The following CADPS variants were observed in gnomAD, a reference collection of about 807,000 sequenced individuals.
CADPS encodes the protein calcium-dependent secretion activator 1.
CADPS carries 57 observed loss-of-function variants against 167.3 expected under a neutral mutation model. The observed-to-expected ratio is 0.34, with a 90% CI of 0.28 to 0.42. The LOEUF is 0.42. CADPS is among the 20% of genes least tolerant of loss of function. CADPS has a pLI of 1.00. For synonymous variants in CADPS, 676 were observed against 635.3 expected, an observed-to-expected ratio of 1.06 and a Z score of -0.96; for missense variants, 1,414 against 1,738.1, an observed-to-expected ratio of 0.81 and a Z score of 3.32.
intron 6 of CADPS, chr3:62,625,606 T>C (rs2924118): frequency 6.6e-6 from 1 of 150,996 alleles, no homozygotes; most frequent in Admixed American, 6.6e-5. Context: ...CCTATATTTA[T>C]AGATTTCTTT....
intron 2 of CADPS, among the ~76,000 whole-genome samples, chr3:62,765,162 C>A (rs2086523041): frequency 6.6e-6 from 1 of 152,112 alleles, no homozygotes; most frequent in African/African-American, 2.4e-5. Context: ...ATGGCATGTC[C>A]ACTTCATAAT....
chr3:62,757,244 G>A (rs549643315), intron 2 of CADPS, among the ~76,000 whole-genome samples: 23 of 152,252 alleles, frequency 1.5e-4, no homozygotes, highest in African/African-American at 5.1e-4. Context: ...CCACAAACCC[G>A]AAATGGGCCT....
At chr3:62,577,024 C>A in intron 8 of CADPS, among the ~76,000 whole-genome samples, 1 of 151,786 alleles carries the variant, frequency 6.6e-6, no homozygotes. Context: ...ATATGAGAGA[C>A]CAGAGTGAGC....
rs767242642 is a variant in CADPS, at chr3:62,403,112, T to A, written c.3851A>T (p.Tyr1284Phe). ...TDRMDLQLHI[Y>F]QLKTLIRMVK... ...CATCCTAATTAGTGTTTTCAACTGA[T>A]AAATATGAAGCTGTAAGTCCATCCG... The change falls in exon 29 of 30, where the codon TAT (tyrosine) becomes TTT (phenylalanine). Residue 1284 changes from tyrosine (Y) to phenylalanine (F), a missense_variant. Around this residue, in one of 6 missense-constraint regions of CADPS, gnomAD observed 185 missense variants for 251.5 expected, o/e 0.74. Coordinates refer to ENST00000383710, the MANE Select transcript of CADPS (RefSeq NM_003716.4). 13 of 1,611,918 alleles carry A rather than the reference T, an allele frequency of 8.1e-6. No homozygotes were observed. The highest frequency in any genetic ancestry group is 1.0e-5 in the Non-Finnish European group (12 of 1,178,116).
chr3:62,546,490 G>T (rs888170673), intron 11 of CADPS, among the ~76,000 whole-genome samples: 1 of 151,986 alleles, frequency 6.6e-6, no homozygotes, highest in Admixed American at 6.6e-5. Flanking sequence ...TAGTACTGAC[G>T]GTTTGAATTT....
At chr3:62,662,060 CTA>C (rs1189199887) in intron 4 of CADPS, among the ~76,000 whole-genome samples, 1 of 152,116 alleles carries the variant, frequency 6.6e-6, no homozygotes, top group Non-Finnish European at 1.5e-5. Context: ...ACTGTTGGAG[CTA>C]TGTGTCTGGA....
At chr3:62,525,668 G>A (rs914792006) in intron 13 of CADPS, among the ~76,000 whole-genome samples, 5 of 126,662 alleles carry the variant, frequency 3.9e-5, no homozygotes, top group African/African-American at 1.7e-4. Context: ...AGCACCGGAT[G>A]TAATGTCATT....
At chr3:62,630,130 G>T (rs2065010282) in intron 6 of CADPS, among the ~76,000 whole-genome samples, 1 of 152,092 alleles carries the variant, frequency 6.6e-6, no homozygotes, top group Non-Finnish European at 1.5e-5. Flanking sequence ...GCTAATTGGT[G>T]TATCCCTTGT....
rs1308896591 is a variant in CADPS at position 62,499,251 on chromosome 3, T to A, written c.2617A>T (p.Ile873Phe). The A allele has an allele frequency of 6.2e-7, 1 of 1,612,442 alleles. No homozygotes were observed. Among genetic ancestry groups the A allele is most frequent in the Admixed American group, 1.7e-5 (1 of 60,008 alleles). Reference sequence around the variant, plus strand: ...TCTTCAAGCTTTTTGGCAGGAGTGATTAACCGGCCTACATTTTCTGTAGTA... The same window carrying A: ...TCTTCAAGCTTTTTGGCAGGAGTGAATAACCGGCCTACATTTTCTGTAGTA... ...QKDAENVGRL[I>F]TPAKKLEDTI... is the part of the protein sequence containing the mutation. The change falls in exon 18 of 30, where the codon ATC (isoleucine) becomes TTC (phenylalanine). Residue 873 changes from isoleucine (I) to phenylalanine (F), a missense_variant. Physicochemically the swap from Ile to Phe is conservative, Grantham distance 21. Around this residue, in one of 6 missense-constraint regions of CADPS, gnomAD observed 529 missense variants for 629.6 expected, o/e 0.84. Coordinates refer to ENST00000383710, the MANE Select transcript of CADPS (RefSeq NM_003716.4).
In CADPS at chr3:62,792,226, C is replaced by G. The variant is rs557484232; in HGVS notation, c.442-26242G>C. Among the ~76,000 whole-genome samples, 3 of 148,726 alleles carry G rather than the reference C, an allele frequency of 2.0e-5. No homozygotes were observed. In the East Asian group the frequency reaches 5.9e-4, roughly 29 times the overall value. On this transcript the variant is annotated intron_variant, in intron 1 of 29. Transcript: ENST00000383710. ...TTTTTTTTTTTTTTTGAGATAGGGT[C>G]TTGCTCTGTTGCCCAGGCTGGAGTG...
chr3:62,764,203 A>G (rs771299739), intron 2 of CADPS, among the ~76,000 whole-genome samples: 39 of 152,184 alleles, frequency 2.6e-4, no homozygotes, highest in Admixed American at 2.6e-3. Flanking sequence ...GAACTTGAAC[A>G]AAGAGGGAAA....
chr3:62,793,101 G>C (rs1194013336), intron 1 of CADPS, among the ~76,000 whole-genome samples: 1 of 152,148 alleles, frequency 6.6e-6, no homozygotes, highest in Non-Finnish European at 1.5e-5. Context: ...GTCAGCATAA[G>C]AAGTGTTTGG....
At chr3:62,533,756 T>A (rs1019056746) in intron 12 of CADPS, among the ~76,000 whole-genome samples, 2 of 152,124 alleles carry the variant, frequency 1.3e-5, no homozygotes, top group African/African-American at 2.4e-5. Context: ...TTTTTTAAAT[T>A]TTTCAAATGA....
intron 1 of CADPS, among the ~76,000 whole-genome samples, chr3:62,796,802 AG>A (rs2093442126): frequency 6.6e-6 from 1 of 152,160 alleles, no homozygotes. Context: ...CGCTGCAGAG[AG>A]GAAAAAAATT....
intron 3 of CADPS, among the ~76,000 whole-genome samples, chr3:62,681,032 G>T (rs1464521861): frequency 6.6e-6 from 1 of 152,000 alleles, no homozygotes; most frequent in Non-Finnish European, 1.5e-5. Context: ...TGACCATTTG[G>T]TGATTCCCCG....
chr3:62,794,745 GT>G (rs1285033603), intron 1 of CADPS, among the ~76,000 whole-genome samples: 3 of 126,612 alleles, frequency 2.4e-5, no homozygotes, highest in Non-Finnish European at 1.6e-5. Flanking sequence ...TAGAGAATCT[GT>G]TGTTCATGTT....
At chr3:62,713,176 T>G (rs2083740485) in intron 3 of CADPS, among the ~76,000 whole-genome samples, 1 of 152,128 alleles carries the variant, frequency 6.6e-6, no homozygotes, top group South Asian at 2.1e-4. Flanking sequence ...TAAAACTCTG[T>G]GAGATAATGT....
intron 1 of CADPS, among the ~76,000 whole-genome samples, chr3:62,840,231 C>T (rs988627452): frequency 1.3e-5 from 2 of 152,162 alleles, no homozygotes; most frequent in African/African-American, 4.8e-5. Context: ...TAATCACTTT[C>T]CAATTCTAAT....
intron 3 of CADPS, among the ~76,000 whole-genome samples, chr3:62,708,239 T>G (rs2082689765): frequency 1.0e-5 from 1 of 97,062 alleles, no homozygotes. Flanking sequence ...CAAGGAAGTG[T>G]TAAAGTGGAG....
Sources: gnomAD v4.1 joint callset for allele counts (sites outside exome capture counted in the v4.1 genomes callset) on GRCh38, gnomAD v4.1.1 for gene constraint, gnomAD v4.1.1 regional missense constraint, MANE v1.5 for transcripts, NCBI Gene and HGNC (gene_info 2026-07-23, HGNC 2026-07-21) for gene names.